GKAP1: variants seen among roughly 807,000 people sequenced by gnomAD.
GKAP1 encodes the protein G kinase-anchoring protein 1.
In GKAP1, 31 loss-of-function variants were observed where a neutral mutation model predicts 56.7. That is an observed-to-expected ratio of 0.55 (90% confidence interval 0.41 to 0.74). GKAP1 has a LOEUF of 0.74. Ranked by LOEUF, GKAP1 falls within the 30% of genes least tolerant of loss-of-function variation. The probability of loss-of-function intolerance (pLI) is 0.00; values close to 1 mark genes in which losing one functional copy is unlikely to be tolerated. For missense variants in GKAP1, 364 were observed against 402.3 expected (o/e 0.90, Z 0.82); for synonymous variants, 151 against 138.6 (o/e 1.09, Z -0.63).
Position 83,761,070 on chromosome 9 carries a change from T to C in GKAP1, c.739-7711A>G, listed in dbSNP as rs75901494. Among the ~76,000 whole-genome samples the C allele has an allele frequency of 5.2e-3, 749 of 143,888 alleles. 5 individuals carry two copies. Among genetic ancestry groups the C allele is most frequent in the African/African-American group, 0.018 (719 of 39,024 alleles). The allele number at this position is 143,888 out of a possible 152,430, so 94.4% of individuals were successfully genotyped here. A position where few individuals can be genotyped will look rare whatever the true frequency, so the allele number is the denominator to read the frequency against. ...AGCAATACAAAAGAAATAAATGAAA[T>C]TGAAATGAAGAATCCAAAAGTTGAT... On this transcript the variant is annotated intron_variant, in intron 8 of 12. Transcript: ENST00000376371.
intron 3 of GKAP1, among the ~76,000 whole-genome samples, chr9:83,801,647 A>T (rs1380097466): frequency 6.6e-6 from 1 of 152,246 alleles, no homozygotes; most frequent in Non-Finnish European, 1.5e-5. Context: ...CTTTACAGAA[A>T]GTAAAGGCTT....
At chr9:83,774,701 C>CTTTTTTTT (rs1564199151) in intron 7 of GKAP1, among the ~76,000 whole-genome samples, 2 of 100,942 alleles carry the variant, frequency 2.0e-5, no homozygotes, top group Non-Finnish European at 4.1e-5. Flanking sequence ...ACAGAAACCC[C>CTTTTTTTT]CTTTTTTTTT....
intron 9 of GKAP1, among the ~76,000 whole-genome samples, chr9:83,752,897 T>C (rs896815127): frequency 6.6e-6 from 1 of 151,580 alleles, no homozygotes; most frequent in African/African-American, 2.4e-5. Flanking sequence ...ATGGTGAAAC[T>C]CTGTCTCTAC....
chr9:83,774,702 CTTTTTTTT>C (rs1168792305), intron 7 of GKAP1, among the ~76,000 whole-genome samples: 1 of 104,924 alleles, frequency 9.5e-6, no homozygotes, highest in Non-Finnish European at 1.8e-5. Flanking sequence ...CAGAAACCCC[CTTTTTTTT>C]TTTTTTTTTT....
rs773741573 is a variant in GKAP1, at chr9:83,806,417, C to A, written c.101G>T (p.Gly34Val). Residue 34 changes from glycine (G) to valine (V), a missense_variant, in exon 3 of 13, where the codon GGT becomes GTT. Coordinates refer to ENST00000376371, the MANE Select transcript of GKAP1 (RefSeq NM_025211.4). ...GSGSDSEPGK[G>V]KGRNTGKSQT... is the part of the protein sequence containing the mutation. ...AGACTTTCCAGTATTTCGACCTTTA[C>A]CTTTTCCAGGTTCAGAATCAGAGCC... The A allele has an allele frequency of 6.2e-7, 1 of 1,612,258 alleles. No homozygotes were observed. The highest frequency in any genetic ancestry group is 8.5e-7 in the Non-Finnish European group (1 of 1,179,016).
chr9:83,746,758 A>C (rs1943302611), intron 10 of GKAP1, among the ~76,000 whole-genome samples: 1 of 152,172 alleles, frequency 6.6e-6, no homozygotes, highest in South Asian at 2.1e-4. Context: ...TATAATACCT[A>C]ATATGGCATA....
intron 8 of GKAP1, among the ~76,000 whole-genome samples, chr9:83,766,459 G>A (rs960000739): frequency 5.3e-5 from 8 of 152,176 alleles, no homozygotes; most frequent in Non-Finnish European, 8.8e-5. Flanking sequence ...GGGTAGGCAA[G>A]GATTCCCCAC....
chr9:83,804,277 C>T (rs559264306), intron 3 of GKAP1, among the ~76,000 whole-genome samples: 131 of 148,838 alleles, frequency 8.8e-4, no homozygotes, highest in Admixed American at 2.7e-3. Context: ...CCCGGCCAGC[C>T]GCCCCATCTG....
At chr9:83,816,733 T>C (rs1180276305) in intron 2 of GKAP1, among the ~76,000 whole-genome samples, 1 of 152,344 alleles carries the variant, frequency 6.6e-6, no homozygotes, top group East Asian at 1.9e-4. Context: ...TTTCATTAGT[T>C]CTTCTAATGA....
At chr9:83,785,328 C>G (rs1250170455) in intron 5 of GKAP1, among the ~76,000 whole-genome samples, 1 of 152,096 alleles carries the variant, frequency 6.6e-6, no homozygotes, top group Non-Finnish European at 1.5e-5. Context: ...CGGTTGTTCA[C>G]ATTATCCCAC....
intron 3 of GKAP1, among the ~76,000 whole-genome samples, chr9:83,804,805 A>G (rs1306740687): frequency 7.3e-6 from 1 of 137,898 alleles, no homozygotes; most frequent in African/African-American, 2.8e-5. Flanking sequence ...GGAAGTGAGG[A>G]GCCCCTCTGC....
chr9:83,798,731 G>T (rs993476538), intron 4 of GKAP1, among the ~76,000 whole-genome samples: 1 of 151,960 alleles, frequency 6.6e-6, no homozygotes, highest in Non-Finnish European at 1.5e-5. Context: ...GCCCAGGGTG[G>T]TCTCAAACTC....
intron 3 of GKAP1, among the ~76,000 whole-genome samples, chr9:83,802,980 G>A (rs984614372): frequency 1.3e-5 from 2 of 151,810 alleles, no homozygotes; most frequent in African/African-American, 4.8e-5. Flanking sequence ...GTAGTGGTGT[G>A]TGCCTGTGGT....
chr9:83,754,023 C>A (rs181595901), intron 8 of GKAP1, among the ~76,000 whole-genome samples: 1 of 151,938 alleles, frequency 6.6e-6, no homozygotes, highest in Non-Finnish European at 1.5e-5. Flanking sequence ...TCAGGATAGA[C>A]GCAAACAAAA....
chr9:83,774,315 T>C lies in GKAP1; in HGVS notation c.586-5345A>G, dbSNP rs117404301. 7.5e-3 allele frequency among the ~76,000 whole-genome samples: 1,130 copies of C among 151,490 alleles called. 27 individuals carry two copies. Among genetic ancestry groups the C allele is most frequent in the East Asian group, 0.027 (137 of 5,094 alleles). On this transcript the variant is annotated intron_variant, in intron 7 of 12. Transcript: ENST00000376371. ...TTTATGACCAACTCCTCAAAAGCAA[T>C]TGCAGGTCAGGCACGGTGGCTCACG...
intron 8 of GKAP1, among the ~76,000 whole-genome samples, chr9:83,765,408 G>T (rs183347043): frequency 6.6e-6 from 1 of 152,334 alleles, no homozygotes; most frequent in Admixed American, 6.5e-5. Flanking sequence ...GGGAAATGTG[G>T]GGTCAAGAGC....
rs571150501 is a variant in GKAP1 at position 83,804,401 on chromosome 9, G to C, written c.216+1901C>G. Among the ~76,000 whole-genome samples, 101 of 138,366 alleles carry C rather than the reference G, an allele frequency of 7.3e-4. 2 individuals carry two copies. In the South Asian group the frequency reaches 0.022, roughly 30 times the overall value. The allele number at this position is 138,366 out of a possible 152,430, so 90.8% of individuals were successfully genotyped here. On this transcript the variant is annotated intron_variant, in intron 3 of 12. Transcript: ENST00000376371. ...GCCCCGTCCGGGAGGGAGGTGGGGG[G>C]GGTCAGCCCCCCGCCCGGCCAGCCA...
Position 83,751,190 on chromosome 9 carries a change from G to T in GKAP1, c.840+2068C>A, listed in dbSNP as rs75956192. 3.7e-4 allele frequency among the ~76,000 whole-genome samples: 57 copies of T among 152,210 alleles called. No homozygotes were observed. The East Asian group carries it at 0.011, about 28-fold the overall frequency. ...CAAATTCTGAACCCAACTCATATCT[G>T]CAATTTCAACTTCTAGTTTCCCATT... On this transcript the variant is annotated intron_variant, in intron 9 of 12. Coordinates refer to ENST00000376371, the MANE Select transcript of GKAP1 (RefSeq NM_025211.4).
intron 8 of GKAP1, among the ~76,000 whole-genome samples, chr9:83,758,610 G>A (rs552696365): frequency 9.2e-5 from 14 of 151,840 alleles, no homozygotes; most frequent in African/African-American, 3.1e-4. Flanking sequence ...TTAGCTGGGC[G>A]TGGTGGTGCA....
Sources: allele counts gnomAD v4.1 joint callset (sites outside exome capture counted in the v4.1 genomes callset), GRCh38; gene constraint gnomAD v4.1.1; transcripts MANE v1.5; gene names NCBI Gene and HGNC (gene_info 2026-07-23, HGNC 2026-07-21).